The following LAMC2 variants were observed in gnomAD, a reference collection of about 807,000 sequenced individuals.
LAMC2 encodes the protein laminin subunit gamma-2.
LAMC2 carries 97 observed loss-of-function variants against 140.2 expected under a neutral mutation model. The ratio of observed to expected loss-of-function variants is 0.69; its 90% CI spans 0.59 to 0.82. LAMC2 has a LOEUF of 0.82. Among genes scored for constraint, LAMC2 ranks in the 40% least tolerant of loss-of-function variants. LAMC2 has a pLI of 0.00. For synonymous variants in LAMC2, 513 were observed against 540.2 expected (o/e 0.95, Z 0.70); for missense variants, 1,402 against 1,476.1 (o/e 0.95, Z 0.82).
intron 14 of LAMC2, among the ~76,000 whole-genome samples, chr1:183,233,288 G>T (rs1659853258): frequency 6.6e-6 from 1 of 152,142 alleles, no homozygotes; most frequent in South Asian, 2.1e-4. Context: ...AAAGAAGGAA[G>T]AAAGGATGGA....
chr1:183,256,888 A>T, the LAMC2 span, among the ~76,000 whole-genome samples: 34 of 151,980 alleles, frequency 2.2e-4, no homozygotes, highest in Non-Finnish European at 3.7e-4. Flanking sequence ...AGTAGCTGGG[A>T]TTACAGTCAC....
chr1:183,204,461 A>G (rs1467798274), intron 1 of LAMC2, among the ~76,000 whole-genome samples: 2 of 116,192 alleles, frequency 1.7e-5, no homozygotes, highest in Non-Finnish European at 3.8e-5. Flanking sequence ...AACAGAAAAA[A>G]AAAAAAAAAC....
At chr1:183,234,294 C>A in intron 14 of LAMC2, 73 bp from the exon 15 acceptor site, 1 of 1,110,594 alleles carries the variant, frequency 9.0e-7, no homozygotes, top group Non-Finnish European at 1.4e-6. Context: ...AGGACAGATG[C>A]ACCTGCTTAA....
At chr1:183,206,966 T>C (rs1212572910) in intron 1 of LAMC2, among the ~76,000 whole-genome samples, 1 of 152,246 alleles carries the variant, frequency 6.6e-6, no homozygotes, top group Non-Finnish European at 1.5e-5. Flanking sequence ...GAGTGAGTGA[T>C]GAAATCGCAT....
intron 21 of LAMC2, 29 bp from the exon 22 acceptor site, chr1:183,240,263 A>G (rs1364767183): frequency 6.2e-6 from 10 of 1,614,238 alleles, no homozygotes; most frequent in African/African-American, 1.3e-5. Flanking sequence ...ATACCTTTTC[A>G]AGGCTGGTTT....
At position 183,225,603 on chromosome 1, in the gene LAMC2, T is replaced by C. The variant is rs773321141; in HGVS notation, c.954-5T>C. The stretch of plus-strand genomic sequence containing the variant: ...TTTTAAAGCTTTTGATTTTAAATTA[T>C]GCAGGTTAAATGAGCATCCAAGCAA... On this transcript the variant is annotated splice_region_variant and splice_polypyrimidine_tract_variant and intron_variant, in intron 7 of 22. Transcript: ENST00000264144. The C allele has an allele frequency of 1.3e-6, 2 of 1,586,158 alleles. No individual in the cohort carries two copies. Among genetic ancestry groups the C allele is most frequent in the South Asian group, 1.1e-5 (1 of 90,558 alleles).
intron 1 of LAMC2, among the ~76,000 whole-genome samples, chr1:183,206,419 G>A (rs916240411): frequency 8.5e-5 from 13 of 152,124 alleles, no homozygotes; most frequent in Non-Finnish European, 2.9e-5. Flanking sequence ...CGAGGCAGGC[G>A]GATCACCTGA....
intron 1 of LAMC2, among the ~76,000 whole-genome samples, chr1:183,204,506 C>A (rs1036981435): frequency 3.3e-5 from 5 of 149,872 alleles, no homozygotes; most frequent in African/African-American, 9.8e-5. Flanking sequence ...GTGGCACACG[C>A]CTCTATTCCC....
chr1:183,243,463 T>C lies in LAMC2; in HGVS notation c.*63T>C. Reference sequence around the variant, plus strand: ...TACAGATCTCAGGGCTCGGGAGCCATGTCATGTGAGTGGGTGGGATGGGGA... The same window carrying C: ...TACAGATCTCAGGGCTCGGGAGCCACGTCATGTGAGTGGGTGGGATGGGGA... On this transcript the variant is annotated 3_prime_UTR_variant, in exon 23 of 23. Coordinates refer to ENST00000264144, the MANE Select transcript of LAMC2 (RefSeq NM_005562.3). The C allele has an allele frequency of 6.2e-7, 1 of 1,605,826 alleles. No homozygotes were observed. Among genetic ancestry groups the C allele is most frequent in the Non-Finnish European group, 8.5e-7 (1 of 1,172,762 alleles).
the LAMC2 span, among the ~76,000 whole-genome samples, chr1:183,254,233 C>A: frequency 6.6e-6 from 1 of 152,278 alleles, no homozygotes; most frequent in Admixed American, 6.5e-5. Flanking sequence ...TTTCTCCACA[C>A]CCTCATCGAC....
At chr1:183,218,524 G>A in intron 4 of LAMC2, 36 bp downstream of exon 4, 1 of 1,475,018 alleles carries the variant, frequency 6.8e-7, no homozygotes, top group African/African-American at 1.4e-5. Context: ...ACAGCAGAGA[G>A]AGTCCCTTGC....
rs772708974 is a variant in LAMC2, at chr1:183,230,979, T to G, written c.1733T>G (p.Met578Arg). 2 of 1,614,202 alleles carry G rather than the reference T, an allele frequency of 1.2e-6. No individual in the cohort carries two copies. The highest frequency in any genetic ancestry group is 1.7e-5 in the Admixed American group (1 of 60,022). Reference sequence around the variant, plus strand: ...TCTCTAGCTTGCAACTGTAACCCCATGGGCTCAGAGCCTGTAGGATGTCGA... The same window carrying G: ...TCTCTAGCTTGCAACTGTAACCCCAGGGGCTCAGAGCCTGTAGGATGTCGA... ...DKCRACNCNP[M>R]GSEPVGCRSD... Residue 578 changes from methionine (M) to arginine (R), a missense_variant, in exon 12 of 23, where the codon ATG (methionine) becomes AGG (arginine). Met to Arg is a moderately conservative substitution (Grantham distance 91). Coordinates refer to ENST00000264144, the MANE Select transcript of LAMC2 (RefSeq NM_005562.3).
At chr1:183,233,942 A>T (rs1659873230) in intron 14 of LAMC2, among the ~76,000 whole-genome samples, 1 of 149,876 alleles carries the variant, frequency 6.7e-6, no homozygotes, top group Non-Finnish European at 1.5e-5. Flanking sequence ...GCTGGAGTAC[A>T]ATGGTGCGAT....
chr1:183,239,646 T>C, intron 20 of LAMC2, 83 bp downstream of exon 20: 1 of 1,239,612 alleles, frequency 8.1e-7, no homozygotes, highest in Non-Finnish European at 1.2e-6. Flanking sequence ...ATTGAGCTTA[T>C]TTTAACCTCT....
At chr1:183,247,073 G>A (rs1035428796), downstream of LAMC2, among the ~76,000 whole-genome samples, 2 of 152,218 alleles carry the variant, frequency 1.3e-5, no homozygotes, top group Non-Finnish European at 2.9e-5. Context: ...CACTTTGGGA[G>A]GCCAAGGCAG....
rs1351893329 is a variant in LAMC2, at chr1:183,186,392, C to T, written c.40C>T (p.Leu14Phe). Reference sequence around the variant, plus strand: ...GCTGGGCTGCTGCCTCTGCTTCTCGCTCCTCCTGCCCGCAGCCCGGGCCAC... The same window carrying T: ...GCTGGGCTGCTGCCTCTGCTTCTCGTTCCTCCTGCCCGCAGCCCGGGCCAC... Reference protein sequence around the residue: ...LWLGCCLCFSLLLPAARATSR... With the variant: ...LWLGCCLCFSFLLPAARATSR... Residue 14 changes from leucine to phenylalanine, a missense_variant, in exon 1 of 23, where the codon CTC (leucine) becomes TTC (phenylalanine). Physicochemically the swap from Leu to Phe is conservative, Grantham distance 22. Around this residue, in one of 3 missense-constraint regions of LAMC2, gnomAD observed 723 missense variants for 783.3 expected, o/e 0.92. Transcript: ENST00000264144. The T allele has an allele frequency of 6.2e-7, 1 of 1,605,932 alleles. No homozygotes were observed. Among genetic ancestry groups the T allele is most frequent in the Non-Finnish European group, 8.5e-7 (1 of 1,179,662 alleles).
chr1:183,211,096 C>T lies in LAMC2; in HGVS notation c.268+3027C>T, dbSNP rs115163876. ...AAATGAAGCCAATGGCATTAATAAACCCCAGAGTAGTCACCAATTTTGGAC... is the reference window on the plus strand; with the variant it reads ...AAATGAAGCCAATGGCATTAATAAATCCCAGAGTAGTCACCAATTTTGGAC... On this transcript the variant is annotated intron_variant, in intron 2 of 22. Coordinates refer to ENST00000264144, the MANE Select transcript of LAMC2 (RefSeq NM_005562.3). 5.9e-3 allele frequency among the ~76,000 whole-genome samples: 892 copies of T among 152,282 alleles called. 8 individuals carry two copies. The highest frequency in any genetic ancestry group is 0.02 in the African/African-American group (846 of 41,554).
intron 4 of LAMC2, among the ~76,000 whole-genome samples, chr1:183,220,377 G>A (rs1450569415): frequency 6.6e-6 from 1 of 152,098 alleles, no homozygotes; most frequent in Admixed American, 6.6e-5. Context: ...TCTTGGGGAG[G>A]GGGTCAATAG....
intron 4 of LAMC2, among the ~76,000 whole-genome samples, chr1:183,220,243 T>C (rs1348305016): frequency 1.3e-5 from 2 of 152,146 alleles, no homozygotes; most frequent in Middle Eastern, 3.2e-3. Context: ...AATGCAAGCT[T>C]ACACCTGGCT....
Sources: allele counts gnomAD v4.1 joint callset (sites outside exome capture counted in the v4.1 genomes callset), GRCh38; gene constraint gnomAD v4.1.1; regional missense constraint gnomAD v4.1.1; transcripts MANE v1.5; gene names NCBI Gene and HGNC (gene_info 2026-07-23, HGNC 2026-07-21).